The following VAT1L variants were observed in gnomAD, a reference collection of about 807,000 sequenced individuals.
The protein encoded by VAT1L is vesicle amine transport 1 like, also known as putative NADPH-dependent quinone oxidoreductase VAT1L.
A neutral mutation model predicts 44.1 loss-of-function variants in VAT1L; 34 were observed. The observed-to-expected ratio is 0.77, with a 90% confidence interval of 0.59 to 1.03. The LOEUF is 1.03. Among genes scored for constraint, VAT1L ranks in the 50% least tolerant of loss-of-function variants. The pLI is 0.00. For missense variants in VAT1L, 615 were observed against 538.8 expected, an observed-to-expected ratio of 1.14 and a Z score of -1.40; for synonymous variants, 253 against 202.2, an observed-to-expected ratio of 1.25 and a Z score of -2.13.
At chr16:77,954,130 C>T (rs2018075706) in intron 7 of VAT1L, among the ~76,000 whole-genome samples, 1 of 152,132 alleles carries the variant, frequency 6.6e-6, no homozygotes, top group South Asian at 2.1e-4. Context: ...GTATAATTAA[C>T]AGAAAAACAA....
intron 7 of VAT1L, among the ~76,000 whole-genome samples, chr16:77,963,102 G>A (rs1299431523): frequency 6.6e-6 from 1 of 152,192 alleles, no homozygotes; most frequent in African/African-American, 2.4e-5. Context: ...ACAGACATCT[G>A]CCCTCAACCT....
chr16:77,872,482 A>G (rs568867480), intron 4 of VAT1L, among the ~76,000 whole-genome samples: 1 of 152,292 alleles, frequency 6.6e-6, no homozygotes, highest in African/African-American at 2.4e-5. Flanking sequence ...TACCCAGCCC[A>G]TAATGCAAGG....
intron 3 of VAT1L, among the ~76,000 whole-genome samples, chr16:77,857,751 T>G (rs2016873691): frequency 6.8e-6 from 1 of 146,532 alleles, no homozygotes; most frequent in South Asian, 2.1e-4. Context: ...AGTCATATAT[T>G]TATCCATTAT....
intron 7 of VAT1L, among the ~76,000 whole-genome samples, chr16:77,963,670 C>T (rs2018189159): frequency 1.3e-5 from 2 of 151,734 alleles, no homozygotes; most frequent in Non-Finnish European, 2.9e-5. Flanking sequence ...GGGGAACTGC[C>T]TGAAGTCACA....
chr16:77,955,274 G>A (rs1186966510), intron 7 of VAT1L, among the ~76,000 whole-genome samples: 3 of 152,298 alleles, frequency 2.0e-5, no homozygotes, highest in South Asian at 4.1e-4. Flanking sequence ...GCAATGCCTG[G>A]AAGCATTTTT....
Position 77,817,066 on chromosome 16 carries a change from C to T in VAT1L, c.363+16C>T, listed in dbSNP as rs2016368731. On this transcript the variant is annotated intron_variant, in intron 2 of 8. Coordinates refer to ENST00000302536, the MANE Select transcript of VAT1L (RefSeq NM_020927.3). ...AGGATATGAGGTAATGTTTGGCTCT[C>T]AATTGAAGAGTAATATTCATTTGGA... 6.2e-7 allele frequency: 1 copy of T among 1,606,952 alleles called. No homozygotes were observed. The highest frequency in any genetic ancestry group is 1.7e-5 in the Admixed American group (1 of 58,352).
At chr16:77,823,298 T>C (rs1046958728) in intron 2 of VAT1L, among the ~76,000 whole-genome samples, 1 of 152,180 alleles carries the variant, frequency 6.6e-6, no homozygotes, top group Admixed American at 6.5e-5. Context: ...TGCTTTTGGC[T>C]TAAGACTGCA....
At chr16:77,910,105 A>C (rs1218721726) in intron 7 of VAT1L, among the ~76,000 whole-genome samples, 1 of 152,240 alleles carries the variant, frequency 6.6e-6, no homozygotes, top group African/African-American at 2.4e-5. Context: ...AAACATATGA[A>C]TTATTCTCAT....
At chr16:77,860,082 T>C (rs985759081) in intron 3 of VAT1L, among the ~76,000 whole-genome samples, 1 of 152,000 alleles carries the variant, frequency 6.6e-6, no homozygotes, top group African/African-American at 2.4e-5. Context: ...GCAGGGAGAA[T>C]AGGCACATCT....
At chr16:77,950,523 T>C (rs1309965712) in intron 7 of VAT1L, among the ~76,000 whole-genome samples, 1 of 151,824 alleles carries the variant, frequency 6.6e-6, no homozygotes, top group Non-Finnish European at 1.5e-5. Flanking sequence ...GTTGTGAGGT[T>C]GATACAACCT....
At chr16:77,906,872 G>C (rs1041648047) in intron 7 of VAT1L, among the ~76,000 whole-genome samples, 1 of 146,702 alleles carries the variant, frequency 6.8e-6, no homozygotes, top group African/African-American at 2.5e-5. Context: ...GTGTGGATCT[G>C]GCCCTGGCAA....
intron 7 of VAT1L, among the ~76,000 whole-genome samples, chr16:77,949,038 G>A (rs540696227): frequency 1.3e-5 from 2 of 152,322 alleles, no homozygotes; most frequent in African/African-American, 4.8e-5. Flanking sequence ...AGATCTATCA[G>A]TAATCTGTAT....
intron 4 of VAT1L, among the ~76,000 whole-genome samples, chr16:77,867,241 T>A (rs1204547131): frequency 6.6e-6 from 1 of 152,150 alleles, no homozygotes; most frequent in Admixed American, 6.5e-5. Flanking sequence ...CTTTTGGGCG[T>A]GAAGCATATG....
intron 7 of VAT1L, among the ~76,000 whole-genome samples, chr16:77,908,253 A>G (rs1388167109): frequency 1.3e-5 from 2 of 150,750 alleles, no homozygotes; most frequent in Non-Finnish European, 3.0e-5. Flanking sequence ...AAAAAAAAAA[A>G]GTTCAAGACC....
At chr16:77,924,326 C>T (rs1356566388) in intron 7 of VAT1L, among the ~76,000 whole-genome samples, 2 of 152,136 alleles carry the variant, frequency 1.3e-5, no homozygotes, top group East Asian at 3.9e-4. Flanking sequence ...CACTGGGTCC[C>T]ATAAGATGCC....
intron 8 of VAT1L, 118 bp downstream of exon 8, chr16:77,972,051 G>T: frequency 1.2e-6 from 1 of 861,352 alleles, no homozygotes; most frequent in South Asian, 1.9e-5. Context: ...TAGTGGAGGA[G>T]ACCAGGGGTA....
Position 77,816,944 on chromosome 16 carries a change from T to TGGTGCGA in VAT1L, c.258_264dup (p.Gln89GlyfsTer7). ...AGTGGATTAAACTTCATTGACTTGA[T>TGGTGCGA]GGTGCGACAAGGGAATATTGACAAC... On this transcript the variant is annotated frameshift_variant, in exon 2 of 9. Transcript: ENST00000302536. LOFTEE classifies it high-confidence loss of function. The TGGTGCGA allele has an allele frequency of 1.2e-6, 2 of 1,613,896 alleles. No homozygotes were observed. Among genetic ancestry groups the TGGTGCGA allele is most frequent in the Non-Finnish European group, 1.7e-6 (2 of 1,179,888 alleles).
chr16:77,971,680 C>T (rs932298672), intron 7 of VAT1L, among the ~76,000 whole-genome samples, 170 bp from the exon 8 acceptor site: 2 of 152,054 alleles, frequency 1.3e-5, no homozygotes, highest in African/African-American at 4.8e-5. Flanking sequence ...TGTGAATGGC[C>T]CAACCAGAAT....
At chr16:77,966,157 CTTGACGTGGTTAAT>C (rs1362373864) in intron 7 of VAT1L, among the ~76,000 whole-genome samples, 8 of 152,142 alleles carry the variant, frequency 5.3e-5, no homozygotes, top group Admixed American at 3.3e-4. Flanking sequence ...TTTTACATTT[CTTGACGTGGTTAAT>C]TTGAAAATTT....
Sources: allele counts gnomAD v4.1 joint callset (sites outside exome capture counted in the v4.1 genomes callset), GRCh38; gene constraint gnomAD v4.1.1; transcripts MANE v1.5; gene names NCBI Gene and HGNC (gene_info 2026-07-23, HGNC 2026-07-21).